Variants in HOOK3 observed in about 807,000 individuals in gnomAD.
The protein encoded by HOOK3 is protein Hook homolog 3.
In HOOK3, 24 loss-of-function variants were observed where a neutral mutation model predicts 116.3. That is an observed-to-expected ratio of 0.21 (90% CI 0.15 to 0.29). HOOK3 has a LOEUF of 0.29. Ranked by LOEUF, HOOK3 falls within the 10% of genes least tolerant of loss-of-function variation. The pLI is 1.00. For synonymous variants in HOOK3, 275 were observed against 283.0 expected, an observed-to-expected ratio of 0.97 and a Z score of 0.28; for missense variants, 632 against 830.2, an observed-to-expected ratio of 0.76 and a Z score of 2.93.
intron 2 of HOOK3, among the ~76,000 whole-genome samples, chr8:42,921,588 A>G (rs759052180): frequency 3.9e-5 from 6 of 152,116 alleles, no homozygotes; most frequent in Non-Finnish European, 7.4e-5. Flanking sequence ...TTCTCTCCTG[A>G]CCAGCATGGT....
intron 2 of HOOK3, among the ~76,000 whole-genome samples, chr8:42,908,229 G>T (rs1807353251): frequency 6.6e-6 from 1 of 152,188 alleles, no homozygotes; most frequent in Admixed American, 6.6e-5. Context: ...TTGTTAAAAT[G>T]CCCATACTAC....
At chr8:42,955,856 C>A (rs890277726) in intron 6 of HOOK3, among the ~76,000 whole-genome samples, 3 of 152,186 alleles carry the variant, frequency 2.0e-5, no homozygotes, top group African/African-American at 7.2e-5. Context: ...CTCAACAGTA[C>A]ATCCTTTTGC....
rs1019114223 is a variant in HOOK3 at position 43,030,268 on chromosome 8, C to A, written c.*11770C>A. 2 of 191,736 alleles carry A rather than the reference C, an allele frequency of 1.0e-5. No individual in the cohort carries two copies. The highest frequency in any genetic ancestry group is 4.6e-5 in the African/African-American group (2 of 43,048). 11.9% of individuals were successfully genotyped at this position (191,736 alleles called of 1,614,324 possible). On this transcript the variant is annotated 3_prime_UTR_variant, in exon 22 of 22. Coordinates refer to ENST00000307602, the MANE Select transcript of HOOK3 (RefSeq NM_032410.4). Reference sequence around the variant, plus strand: ...CACAAAAACATAAAGTCCAGGAAACCACCAGAAGATGGATTTTTAGTGTTT... The same window carrying A: ...CACAAAAACATAAAGTCCAGGAAACAACCAGAAGATGGATTTTTAGTGTTT...
At chr8:43,015,408 A>C (rs1192388463) in intron 21 of HOOK3, among the ~76,000 whole-genome samples, 1 of 152,042 alleles carries the variant, frequency 6.6e-6, no homozygotes, top group Non-Finnish European at 1.5e-5. Context: ...CTGTAATCCC[A>C]GGTACTCCGG....
At chr8:42,957,607 A>T (rs1464932933) in intron 7 of HOOK3, among the ~76,000 whole-genome samples, 1 of 152,146 alleles carries the variant, frequency 6.6e-6, no homozygotes, top group Non-Finnish European at 1.5e-5. Context: ...TTCCTGGAAA[A>T]TGACATGAAT....
intron 2 of HOOK3, among the ~76,000 whole-genome samples, chr8:42,915,766 C>T (rs1807522286): frequency 6.6e-6 from 1 of 152,126 alleles, no homozygotes; most frequent in South Asian, 2.1e-4. Flanking sequence ...ATTCTCAGTT[C>T]TTCTCCTAAC....
rs898851249 is a variant in HOOK3, at chr8:42,897,080, C to G, written c.-52C>G. On this transcript the variant is annotated 5_prime_UTR_variant, in exon 1 of 22. Coordinates refer to ENST00000307602, the MANE Select transcript of HOOK3 (RefSeq NM_032410.4). ...CGGGCCCCCGGATCCCCCGACAGAG[C>G]GGCGGCGGTGTCTGGCCAGGCGGTA... is the stretch of plus-strand genomic sequence containing the variant. 115 of 1,219,546 alleles carry G rather than the reference C, an allele frequency of 9.4e-5. No homozygotes were observed. Among genetic ancestry groups the G allele is most frequent in the Middle Eastern group, 4.6e-4 (2 of 4,326 alleles). The allele number at this position is 1,219,546 out of a possible 1,614,324, so 75.5% of individuals were successfully genotyped here.
rs1215615166 is a variant in HOOK3, at chr8:43,025,718, A to G, written c.*7220A>G. On this transcript the variant is annotated 3_prime_UTR_variant, in exon 22 of 22. Transcript: ENST00000307602. Reference sequence around the variant, plus strand: ...GATACTATGATTTGATGAGATGAGAAGAAATCTGCGGTGGCTGAAAATCGT... The same window carrying G: ...GATACTATGATTTGATGAGATGAGAGGAAATCTGCGGTGGCTGAAAATCGT... The G allele has an allele frequency of 4.6e-6, 1 of 215,650 alleles. No homozygotes were observed. Among genetic ancestry groups the G allele is most frequent in the Non-Finnish European group, 9.3e-6 (1 of 107,160 alleles). 13.4% of individuals were successfully genotyped at this position (215,650 alleles called of 1,614,324 possible).
At chr8:42,982,753 C>A in intron 14 of HOOK3, 57 bp downstream of exon 14, 1 of 1,077,782 alleles carries the variant, frequency 9.3e-7, no homozygotes, top group Non-Finnish European at 1.4e-6. Context: ...AGAAAACGTA[C>A]TTCTCTACAA....
intron 2 of HOOK3, among the ~76,000 whole-genome samples, chr8:42,908,098 A>T (rs751007183): frequency 1.5e-4 from 23 of 152,200 alleles, no homozygotes; most frequent in Non-Finnish European, 2.8e-4. Flanking sequence ...TAAAATACGT[A>T]GGAATACATT....
intron 13 of HOOK3, among the ~76,000 whole-genome samples, chr8:42,982,254 T>TAA (rs1162075588): frequency 5.8e-4 from 52 of 89,560 alleles, no homozygotes; most frequent in Admixed American, 1.2e-3. Flanking sequence ...GACTCTGTCT[T>TAA]AAAAAAAAAA....
At chr8:42,965,280 G>A (rs1808612038) in intron 9 of HOOK3, among the ~76,000 whole-genome samples, 1 of 152,042 alleles carries the variant, frequency 6.6e-6, no homozygotes, top group Non-Finnish European at 1.5e-5. Context: ...TTACAGGCAG[G>A]GATTTTTAAA....
At chr8:42,937,587 G>C (rs561230265) in intron 4 of HOOK3, among the ~76,000 whole-genome samples, 21 of 152,202 alleles carry the variant, frequency 1.4e-4, no homozygotes, top group African/African-American at 4.6e-4. Flanking sequence ...CTGGTACATT[G>C]TGTCTTTGTT....
chr8:42,959,718 GAAAAAAAA>G (rs529721762), intron 8 of HOOK3, among the ~76,000 whole-genome samples: 6 of 29,042 alleles, frequency 2.1e-4, no homozygotes, highest in Admixed American at 4.4e-4. Flanking sequence ...GACTACATCT[GAAAAAAAA>G]AAAAAAAAAA....
chr8:42,938,639 C>T (rs935706862), intron 4 of HOOK3, among the ~76,000 whole-genome samples: 9 of 152,068 alleles, frequency 5.9e-5, no homozygotes, highest in African/African-American at 1.7e-4. Flanking sequence ...TTTTATTTCT[C>T]CTTCACTTGT....
chr8:42,951,811 C>T (rs1406854856), intron 6 of HOOK3, among the ~76,000 whole-genome samples: 2 of 151,936 alleles, frequency 1.3e-5, no homozygotes, highest in Non-Finnish European at 1.5e-5. Context: ...CATGGTGGCA[C>T]ATGCCTGTAG....
At chr8:42,967,151 C>G (rs11986681) in intron 10 of HOOK3, among the ~76,000 whole-genome samples, 18,967 of 151,956 alleles carry the variant, frequency 0.12, 1,572 homozygotes, top group African/African-American at 0.23. Context: ...GTTTTGTGCT[C>G]CTGCCAATTG....
chr8:42,901,050 G>A (rs1259625296), intron 1 of HOOK3, among the ~76,000 whole-genome samples: 4 of 152,182 alleles, frequency 2.6e-5, no homozygotes, highest in South Asian at 2.1e-4. Flanking sequence ...TGCACTATGC[G>A]CTATGTTTAA....
chr8:42,938,180 T>C lies in HOOK3; in HGVS notation c.268-5133T>C, dbSNP rs1808010141. Among the ~76,000 whole-genome samples the C allele has an allele frequency of 2.0e-5, 3 of 152,104 alleles. No homozygotes were observed. The South Asian group carries it at 6.2e-4, about 32-fold the overall frequency. On this transcript the variant is annotated intron_variant, in intron 4 of 21. Coordinates refer to ENST00000307602, the MANE Select transcript of HOOK3 (RefSeq NM_032410.4). The stretch of plus-strand genomic sequence containing the variant: ...GTCTCTTTTGATCTTTGTTGGTTTA[T>C]AGTCTGTTTTATCAGAGACTAGCAT...
Sources: allele counts gnomAD v4.1 joint callset (sites outside exome capture counted in the v4.1 genomes callset), GRCh38; gene constraint gnomAD v4.1.1; transcripts MANE v1.5; gene names NCBI Gene and HGNC (gene_info 2026-07-23, HGNC 2026-07-21).